Variants in PRKD1 observed in about 807,000 individuals in gnomAD.
PRKD1 encodes the protein serine/threonine-protein kinase D1.
PRKD1 carries 63 observed loss-of-function variants against 95.9 expected under a neutral mutation model. The ratio of observed to expected loss-of-function variants is 0.66; its 90% CI spans 0.54 to 0.81. The LOEUF is 0.81. Among genes scored for constraint, PRKD1 ranks in the 30% least tolerant of loss-of-function variants. The pLI is 0.00. For synonymous variants in PRKD1, 425 were observed against 423.1 expected (o/e 1.00, Z -0.05); for missense variants, 1,048 against 1,165.3 (o/e 0.90, Z 1.47).
At chr14:29,613,639 G>A (rs1258039479) in intron 13 of PRKD1, among the ~76,000 whole-genome samples, 1 of 152,132 alleles carries the variant, frequency 6.6e-6, no homozygotes, top group African/African-American at 2.4e-5. Context: ...TTTCTTCTGT[G>A]TAATACATAA....
chr14:29,840,592 T>C (rs1017343272), intron 1 of PRKD1, among the ~76,000 whole-genome samples: 8 of 152,096 alleles, frequency 5.3e-5, no homozygotes, highest in Non-Finnish European at 2.9e-5. Context: ...ATGCTCCTGA[T>C]AAAGACATAC....
chr14:29,693,653 A>ACAAC (rs201952850), intron 2 of PRKD1, among the ~76,000 whole-genome samples: 8 of 146,950 alleles, frequency 5.4e-5, no homozygotes, highest in South Asian at 2.1e-4. Context: ...AACAACAACA[A>ACAAC]AAAAAAAAAA....
At position 29,725,506 on chromosome 14, in the gene PRKD1, G is replaced by T. The variant is rs751968079; in HGVS notation, c.403+30C>A. ...TCTTCAAATACAACTTCTAATCTAC[G>T]GATAAAGAAAAGGTATAAAAGTATA... On this transcript the variant is annotated intron_variant, in intron 2 of 17. Transcript: ENST00000331968. The T allele has an allele frequency of 3.8e-6, 6 of 1,589,766 alleles. 1 individual carries two copies. The highest frequency in any genetic ancestry group is 3.4e-4 in the Middle Eastern group (2 of 5,902).
At chr14:29,620,588 C>A (rs1879182020) in intron 13 of PRKD1, among the ~76,000 whole-genome samples, 2 of 149,668 alleles carry the variant, frequency 1.3e-5, no homozygotes, top group African/African-American at 4.9e-5. Flanking sequence ...CTCATCATCA[C>A]TGGCCATCAG....
intron 1 of PRKD1, among the ~76,000 whole-genome samples, chr14:29,784,294 C>T (rs1889174409): frequency 6.6e-6 from 1 of 151,926 alleles, no homozygotes; most frequent in Admixed American, 6.6e-5. Context: ...GGTAACTACA[C>T]CTTTGTATTA....
intron 16 of PRKD1, among the ~76,000 whole-genome samples, chr14:29,585,985 G>A (rs546671032): frequency 1.3e-5 from 2 of 152,180 alleles, no homozygotes. Flanking sequence ...ATGAAAAATA[G>A]TTAAGAGATC....
chr14:29,763,437 G>C (rs1459813739), intron 1 of PRKD1, among the ~76,000 whole-genome samples: 2 of 91,766 alleles, frequency 2.2e-5, no homozygotes, highest in African/African-American at 8.3e-5. Flanking sequence ...GAGGGGGAGG[G>C]AGGGGGGAGG....
At chr14:29,789,371 C>T (rs1889430597) in intron 1 of PRKD1, among the ~76,000 whole-genome samples, 1 of 152,104 alleles carries the variant, frequency 6.6e-6, no homozygotes, top group Non-Finnish European at 1.5e-5. Context: ...TCACTTCTTC[C>T]AATTTTATGG....
intron 4 of PRKD1, among the ~76,000 whole-genome samples, chr14:29,640,888 T>C (rs1880715555): frequency 6.6e-6 from 1 of 152,216 alleles, no homozygotes; most frequent in Non-Finnish European, 1.5e-5. Flanking sequence ...AATTGTAGGC[T>C]GTGCTAACAG....
intron 1 of PRKD1, among the ~76,000 whole-genome samples, chr14:29,832,994 C>T (rs1891474291): frequency 6.6e-6 from 1 of 151,984 alleles, no homozygotes; most frequent in South Asian, 2.1e-4. Flanking sequence ...GTAACACTTC[C>T]TATCTTTAAG....
At chr14:29,727,219 G>A (rs143266088) in intron 1 of PRKD1, among the ~76,000 whole-genome samples, 6,131 of 152,210 alleles carry the variant, frequency 0.04, 219 homozygotes, top group African/African-American at 0.087. Context: ...ATCTGTTCAT[G>A]TCCTTTGCCC....
At chr14:29,691,649 G>T (rs1884244695) in intron 2 of PRKD1, among the ~76,000 whole-genome samples, 1 of 152,094 alleles carries the variant, frequency 6.6e-6, no homozygotes, top group Non-Finnish European at 1.5e-5. Context: ...AAGTAATCAG[G>T]TTGGTGCAAA....
intron 16 of PRKD1, among the ~76,000 whole-genome samples, chr14:29,586,397 G>C (rs935315380): frequency 2.0e-5 from 3 of 152,118 alleles, no homozygotes; most frequent in Non-Finnish European, 2.9e-5. Context: ...ACTTAAAGGA[G>C]ACAATTGAAA....
chr14:29,906,257 G>A (rs951027487), intron 1 of PRKD1, among the ~76,000 whole-genome samples: 2 of 152,110 alleles, frequency 1.3e-5, no homozygotes, highest in Non-Finnish European at 2.9e-5. Context: ...CTGAAATCTA[G>A]GCTGGGTGTA....
At chr14:29,863,317 A>G (rs1892772687) in intron 1 of PRKD1, among the ~76,000 whole-genome samples, 1 of 152,194 alleles carries the variant, frequency 6.6e-6, no homozygotes, top group African/African-American at 2.4e-5. Context: ...CAAAAACAAG[A>G]TATCAGATAT....
At chr14:29,917,071 A>G (rs1303991055) in intron 1 of PRKD1, among the ~76,000 whole-genome samples, 1 of 152,164 alleles carries the variant, frequency 6.6e-6, no homozygotes, top group Non-Finnish European at 1.5e-5. Flanking sequence ...TTCATGTTTA[A>G]TTGATAAAAA....
intron 4 of PRKD1, among the ~76,000 whole-genome samples, chr14:29,660,979 A>T (rs1316012703): frequency 6.6e-6 from 1 of 152,018 alleles, no homozygotes; most frequent in African/African-American, 2.4e-5. Flanking sequence ...GGAATTTTTT[A>T]AAGATGGACT....
At chr14:29,648,811 T>C (rs1302941827) in intron 4 of PRKD1, among the ~76,000 whole-genome samples, 3 of 152,128 alleles carry the variant, frequency 2.0e-5, no homozygotes, top group Non-Finnish European at 2.9e-5. Flanking sequence ...CTCACCACCA[T>C]GCCCAGCTAA....
intron 1 of PRKD1, among the ~76,000 whole-genome samples, chr14:29,775,555 A>C (rs190953484): frequency 1.2e-4 from 18 of 152,254 alleles, no homozygotes; most frequent in African/African-American, 4.1e-4. Context: ...TTGCTAGCAC[A>C]GCAGTCTGAG....
Sources: gnomAD v4.1 joint callset for allele counts (sites outside exome capture counted in the v4.1 genomes callset) on GRCh38, gnomAD v4.1.1 for gene constraint, MANE v1.5 for transcripts, NCBI Gene and HGNC (gene_info 2026-07-23, HGNC 2026-07-21) for gene names.